Variants in CNIH4 observed in about 807,000 individuals in gnomAD.
The protein encoded by CNIH4 is cornichon family member 4.
In CNIH4, 9 loss-of-function variants were observed where a neutral mutation model predicts 21.5. The observed-to-expected ratio is 0.42, with a 90% CI of 0.25 to 0.73. The LOEUF is 0.73. Ranked by LOEUF, CNIH4 falls within the 30% of genes least tolerant of loss-of-function variation. The pLI is 0.27. For synonymous variants in CNIH4, 67 were observed against 59.1 expected (o/e 1.13, Z -0.61); for missense variants, 159 against 170.0 (o/e 0.94, Z 0.36).
intron 2 of CNIH4, among the ~76,000 whole-genome samples, chr1:224,361,430 T>C (rs1311744827): frequency 6.6e-6 from 1 of 151,994 alleles, no homozygotes; most frequent in African/African-American, 2.4e-5. Flanking sequence ...CTGGCTAATT[T>C]TTAAATTTTT....
intron 4 of CNIH4, among the ~76,000 whole-genome samples, 196 bp downstream of exon 4, chr1:224,371,619 A>G (rs1672631712): frequency 6.6e-6 from 1 of 152,150 alleles, no homozygotes; most frequent in Non-Finnish European, 1.5e-5. Flanking sequence ...ACCCTGTTGC[A>G]TCTTAGTTAT....
chr1:224,362,104 G>A (rs1401311499), intron 2 of CNIH4, among the ~76,000 whole-genome samples: 4 of 142,076 alleles, frequency 2.8e-5, no homozygotes, highest in Admixed American at 7.2e-5. Flanking sequence ...TTTTTGAGAC[G>A]GAGTCTCACT....
intron 2 of CNIH4, 130 bp from the exon 3 acceptor site, chr1:224,365,749 G>A: frequency 1.5e-6 from 1 of 686,542 alleles, no homozygotes. Context: ...TCTGGGACAT[G>A]GGAGTCTAAA....
Position 224,371,975 on chromosome 1 carries a change from G to GTGGA in CNIH4, c.392+553_392+556dup, listed in dbSNP as rs57646820. ...TTTCCTTCCCTAGTAGTATACAGCT[G>GTGGA]TGGAGTTCCACTGCCTGTTATAAGC... On this transcript the variant is annotated intron_variant, in intron 4 of 4. Coordinates refer to ENST00000465271, the MANE Select transcript of CNIH4 (RefSeq NM_014184.4). Among the ~76,000 whole-genome samples, 978 of 152,254 alleles carry GTGGA rather than the reference G, an allele frequency of 6.4e-3. 11 individuals are homozygous for GTGGA. Among genetic ancestry groups the GTGGA allele is most frequent in the African/African-American group, 0.022 (919 of 41,554 alleles).
At chr1:224,375,214 T>C (rs1672745264) in intron 4 of CNIH4, among the ~76,000 whole-genome samples, 1 of 152,170 alleles carries the variant, frequency 6.6e-6, no homozygotes, top group Non-Finnish European at 1.5e-5. Flanking sequence ...TGGGCCCTGC[T>C]TTCATCTCAA....
In CNIH4 at chr1:224,378,255, AG is replaced by A. The variant is rs1292418587; in HGVS notation, c.*2435del. 6 of 152,146 alleles carry A rather than the reference AG, an allele frequency of 3.9e-5. No individual in the cohort carries two copies. The highest frequency in any genetic ancestry group is 1.4e-4 in the African/African-American group (6 of 41,394). 9.4% of individuals were successfully genotyped at this position (152,146 alleles called of 1,614,324 possible). On this transcript the variant is annotated 3_prime_UTR_variant, in exon 5 of 5. Coordinates refer to ENST00000465271, the MANE Select transcript of CNIH4 (RefSeq NM_014184.4). ...AGACAGAGGTCTTGCTATGTTGCCT[AG>A]GCTGGTATCAAAATTACTGGCCTCA...
intron 4 of CNIH4, among the ~76,000 whole-genome samples, chr1:224,372,832 G>C (rs1157156702): frequency 1.3e-5 from 2 of 150,866 alleles, no homozygotes; most frequent in Non-Finnish European, 2.9e-5. Flanking sequence ...CGCCCACCTC[G>C]GCCTCCCAAA....
intron 3 of CNIH4, among the ~76,000 whole-genome samples, chr1:224,369,285 T>C (rs1252935523): frequency 6.6e-6 from 1 of 152,146 alleles, no homozygotes; most frequent in Non-Finnish European, 1.5e-5. Flanking sequence ...TTCCTGTGTG[T>C]TTTAGAGATG....
At chr1:224,361,761 T>G (rs910245659) in intron 2 of CNIH4, among the ~76,000 whole-genome samples, 11 of 151,760 alleles carry the variant, frequency 7.2e-5, no homozygotes, top group African/African-American at 2.7e-4. Context: ...TTTTAAAATT[T>G]TTTTGTAGAG....
intron 2 of CNIH4, among the ~76,000 whole-genome samples, chr1:224,364,673 G>A (rs1672398118): frequency 1.3e-5 from 2 of 152,148 alleles, no homozygotes; most frequent in South Asian, 4.1e-4. Context: ...AGTGGCTCAC[G>A]CCTGTAATCC....
chr1:224,375,203 T>C (rs1041541412), intron 4 of CNIH4, among the ~76,000 whole-genome samples: 6 of 152,202 alleles, frequency 3.9e-5, no homozygotes, highest in African/African-American at 1.4e-4. Context: ...GTGGTAATGC[T>C]TGGGCCCTGC....
At chr1:224,372,491 G>A (rs1003910150) in intron 4 of CNIH4, among the ~76,000 whole-genome samples, 1 of 152,106 alleles carries the variant, frequency 6.6e-6, no homozygotes, top group African/African-American at 2.4e-5. Flanking sequence ...GGACTATTAG[G>A]AAAAACTTAT....
chr1:224,359,324 G>GGATA lies in CNIH4; in HGVS notation c.70-1169_70-1166dup, dbSNP rs1672205236. ...AGAAAGATTGGAAGATAAACCAACT[G>GGATA]GATAGGGTCGTCTGGATTTCAAATA... On this transcript the variant is annotated intron_variant, in intron 1 of 4. Coordinates refer to ENST00000465271, the MANE Select transcript of CNIH4 (RefSeq NM_014184.4). Among the ~76,000 whole-genome samples, 3 of 152,214 alleles carry GGATA rather than the reference G, an allele frequency of 2.0e-5. No homozygotes were observed. In the South Asian group the frequency reaches 6.2e-4, roughly 32 times the overall value.
intron 3 of CNIH4, among the ~76,000 whole-genome samples, chr1:224,367,875 G>A (rs2102860610): frequency 6.6e-6 from 1 of 152,332 alleles, no homozygotes; most frequent in East Asian, 1.9e-4. Context: ...AACTTTGGGA[G>A]TGAGAATGGG....
rs758006543 is a variant in CNIH4 at position 224,379,048 on chromosome 1, T to C, written c.*3226T>C. The C allele has an allele frequency of 5.2e-4, 809 of 1,549,684 alleles. No homozygotes were observed. The highest frequency in any genetic ancestry group is 6.6e-4 in the Non-Finnish European group (758 of 1,146,328). On this transcript the variant is annotated 3_prime_UTR_variant, in exon 5 of 5. Coordinates refer to ENST00000465271, the MANE Select transcript of CNIH4 (RefSeq NM_014184.4). ...TTAGTACGTATCATTTTCCCTTGCC[T>C]TTTTCCTTCTATCCTTTCAGTGGTA...
chr1:224,364,089 C>T (rs2102855346), intron 2 of CNIH4: 1 of 985,360 alleles, frequency 1.0e-6, no homozygotes, highest in Middle Eastern at 5.2e-4. Context: ...TGAAGTCTTG[C>T]TTCCTGAAAC....
At position 224,376,391 on chromosome 1, in the gene CNIH4, A is replaced by G; in HGVS notation, c.*569A>G. ...TATATTTCTTTGCACAATTTGTGAA[A>G]CCTTATAAGCCATTTTCCCCAGGTA... On this transcript the variant is annotated 3_prime_UTR_variant, in exon 5 of 5. Transcript: ENST00000465271. 1.0e-6 allele frequency: 1 copy of G among 985,370 alleles called. No individual in the cohort carries two copies. The highest frequency in any genetic ancestry group is 1.2e-6 in the Non-Finnish European group (1 of 829,908). 61.0% of individuals were successfully genotyped at this position (985,370 alleles called of 1,614,324 possible).
rs1311480457 is a variant in CNIH4, at chr1:224,363,094, G to T, written c.138+2531G>T. Among the ~76,000 whole-genome samples the T allele has an allele frequency of 2.6e-5, 4 of 151,478 alleles. No individual in the cohort carries two copies. In the East Asian group the frequency reaches 5.8e-4, roughly 22 times the overall value. ...AGTTTTGCACTTGTTGTCTAGGCTG[G>T]AGTGCAGTGGTGCTATCTTGGCTCA... On this transcript the variant is annotated intron_variant, in intron 2 of 4. Coordinates refer to ENST00000465271, the MANE Select transcript of CNIH4 (RefSeq NM_014184.4).
In CNIH4 at chr1:224,371,263, T is replaced by A. The variant is rs770969635; in HGVS notation, c.252-20T>A. The A allele has an allele frequency of 1.2e-5, 20 of 1,607,238 alleles. No homozygotes were observed. Among genetic ancestry groups the A allele is most frequent in the Non-Finnish European group, 1.5e-5 (18 of 1,177,026 alleles). On this transcript the variant is annotated intron_variant, in intron 3 of 4. Transcript: ENST00000465271. ...ATGATTTGATTATCCTTCTAATGTGTGTATCCTTTAATTTATCAGATACAT... is the reference window on the plus strand; with the variant it reads ...ATGATTTGATTATCCTTCTAATGTGAGTATCCTTTAATTTATCAGATACAT...
Sources: gnomAD v4.1 joint callset for allele counts (sites outside exome capture counted in the v4.1 genomes callset) on GRCh38, gnomAD v4.1.1 for gene constraint, MANE v1.5 for transcripts, NCBI Gene and HGNC (gene_info 2026-07-23, HGNC 2026-07-21) for gene names.